Variants in CLDN2 observed in about 807,000 individuals in gnomAD.
The protein encoded by CLDN2 is claudin 2, also known as claudin-2.
In CLDN2, 1 loss-of-function variant was observed where a neutral mutation model predicts 8.2. That is an observed-to-expected ratio of 0.12 (90% CI 0.04 to 0.58). The LOEUF is 0.58. Ranked by LOEUF, CLDN2 falls within the 20% of genes least tolerant of loss-of-function variation. CLDN2 has a pLI of 0.90. For missense variants in CLDN2, 108 were observed against 172.9 expected (o/e 0.62, Z 2.11); for synonymous variants, 70 against 70.2 (o/e 1.00, Z 0.01).
chrX:106,903,427 AG>A, intron 1 of CLDN2: 1 of 607,396 alleles, frequency 1.6e-6, no homozygotes, highest in Non-Finnish European at 2.4e-6. Context: ...ATGACTTGGG[AG>A]GGGGATAAAG....
upstream of CLDN2, among the ~76,000 whole-genome samples, chrX:106,916,882 T>C (rs1243817633): frequency 4.5e-5 from 5 of 111,633 alleles, no homozygotes; most frequent in Admixed American, 2.8e-4. Flanking sequence ...ACCCCATCTC[T>C]ACAAAAAAAT....
chrX:106,901,398 C>A, intron 1 of CLDN2: 1 of 987,346 alleles, frequency 1.0e-6, no homozygotes, highest in Non-Finnish European at 1.4e-6. Flanking sequence ...CCCTCTCCTG[C>A]TTCACAAGAC....
chrX:106,913,590 G>A (rs1019331169), upstream of CLDN2, among the ~76,000 whole-genome samples: 13 of 112,167 alleles, frequency 1.2e-4, no homozygotes, highest in Admixed American at 1.1e-3. Flanking sequence ...AACTTAGTAC[G>A]ATGCCCATTT....
chrX:106,916,363 C>A (rs1475737973), upstream of CLDN2, among the ~76,000 whole-genome samples: 1 of 110,930 alleles, frequency 9.0e-6, no homozygotes, highest in Non-Finnish European at 1.9e-5. Context: ...GAAGGGAGAG[C>A]ATTGTAGGCT....
Position 106,930,248 on chromosome X carries a change from G to T in CLDN2, c.*1327G>T. The T allele has an allele frequency of 8.0e-6, 1 of 124,485 alleles. No homozygotes were observed. The allele number at this position is 124,485 out of a possible 1,213,427, so 10.3% of individuals were successfully genotyped here. On this transcript the variant is annotated 3_prime_UTR_variant, in exon 2 of 2. Transcript: ENST00000336803. ...GCCCACGGTGCTGTGTCCATGATCT[G>T]AGTGATAGCTGCACTGCTGCCTGGG...
chrX:106,927,479 G>A (rs1285530935), intron 1 of CLDN2, among the ~76,000 whole-genome samples: 1 of 111,224 alleles, frequency 9.0e-6, no homozygotes, highest in African/African-American at 3.3e-5. Context: ...AGGCTGCAGA[G>A]GGGGATTTGG....
chrX:106,927,388 A>G (rs1933484217), intron 1 of CLDN2, among the ~76,000 whole-genome samples: 1 of 110,826 alleles, frequency 9.0e-6, no homozygotes, highest in Non-Finnish European at 1.9e-5. Context: ...TCATCATCCA[A>G]GAGGCTGATG....
At chrX:106,911,735 G>A (rs187668375) in intron 1 of CLDN2, among the ~76,000 whole-genome samples, 5 of 112,014 alleles carry the variant, frequency 4.5e-5, no homozygotes, top group African/African-American at 1.3e-4. Context: ...TTGTCTCCTC[G>A]CTCCCATCAG....
chrX:106,913,393 C>T (rs1325194008), upstream of CLDN2, among the ~76,000 whole-genome samples: 4 of 112,453 alleles, frequency 3.6e-5, no homozygotes, highest in African/African-American at 1.3e-4. Context: ...CGGTGCCTGG[C>T]TGACCAGTAG....
chrX:106,927,906 T>C (rs916437131), intron 1 of CLDN2, 145 bp from the exon 2 acceptor site: 1 of 199,242 alleles, frequency 5.0e-6, no homozygotes, highest in African/African-American at 3.4e-5. Context: ...GGCGATGACA[T>C]TTTGGCTCCA....
intron 1 of CLDN2, among the ~76,000 whole-genome samples, chrX:106,906,612 A>C (rs899998130): frequency 9.2e-6 from 1 of 108,586 alleles, no homozygotes; most frequent in African/African-American, 3.4e-5. Context: ...GCCATGCCCC[A>C]CTCCCCCCTC....
At chrX:106,903,061 T>C in intron 1 of CLDN2, 2 of 1,135,964 alleles carry the variant, frequency 1.8e-6, no homozygotes, top group Non-Finnish European at 2.4e-6. Context: ...GCCCTGGACA[T>C]CTCATTTTCC....
chrX:106,920,420 G>A lies in CLDN2; in HGVS notation c.-310G>A, dbSNP rs1933373893. On this transcript the variant is annotated 5_prime_UTR_variant, in exon 1 of 2. Transcript: ENST00000336803. ...CAGATTTGCAGATGGATTTTGCAAA[G>A]CTGTGGTTAACGATTAGAAATCCTT... 1 of 109,423 alleles carries A rather than the reference G, an allele frequency of 9.1e-6. No homozygotes were observed. The highest frequency in any genetic ancestry group is 9.8e-5 in the Admixed American group (1 of 10,255). The allele number at this position is 109,423 out of a possible 1,213,427, so 9.0% of individuals were successfully genotyped here. A position where few individuals can be genotyped will look rare whatever the true frequency, so the allele number is the denominator to read the frequency against.
chrX:106,923,490 A>T (rs1189882108), intron 1 of CLDN2, among the ~76,000 whole-genome samples: 1 of 112,086 alleles, frequency 8.9e-6, no homozygotes, highest in Non-Finnish European at 1.9e-5. Flanking sequence ...GGCAGTGGCG[A>T]CAGAAAGAAG....
At chrX:106,901,014 C>T in intron 1 of CLDN2, 1 of 1,085,761 alleles carries the variant, frequency 9.2e-7, no homozygotes, top group South Asian at 2.5e-5. Flanking sequence ...TTGGCTGCAA[C>T]AATGAGGTCA....
At chrX:106,906,579 C>T (rs1340311549) in intron 1 of CLDN2, among the ~76,000 whole-genome samples, 3 of 111,204 alleles carry the variant, frequency 2.7e-5, no homozygotes, top group Admixed American at 9.6e-5. Context: ...AAACAGAGGC[C>T]TTCAAGCGTG....
chrX:106,908,770 T>G (rs920864132), intron 1 of CLDN2, among the ~76,000 whole-genome samples: 1 of 110,198 alleles, frequency 9.1e-6, no homozygotes, highest in African/African-American at 3.3e-5. Flanking sequence ...TTTCATACTC[T>G]ATAACAATGT....
chrX:106,920,344 C>T (rs1302988572), upstream of CLDN2: 3 of 107,870 alleles, frequency 2.8e-5, no homozygotes, highest in Non-Finnish European at 5.8e-5. Flanking sequence ...CAATCTTTCC[C>T]AGCCTCCAGG....
At chrX:106,909,109 G>T (rs1933216270) in intron 1 of CLDN2, among the ~76,000 whole-genome samples, 1 of 112,119 alleles carries the variant, frequency 8.9e-6, no homozygotes, top group African/African-American at 3.2e-5. Context: ...TTCTGGCAGA[G>T]AAAAGTGGCA....
Sources: allele counts gnomAD v4.1 joint callset (sites outside exome capture counted in the v4.1 genomes callset), GRCh38; gene constraint gnomAD v4.1.1; transcripts MANE v1.5; gene names NCBI Gene and HGNC (gene_info 2026-07-23, HGNC 2026-07-21).